Variants in DIAPH2 observed in about 807,000 individuals in gnomAD.
The protein encoded by DIAPH2 is diaphanous related formin 2.
In DIAPH2, 35 loss-of-function variants were observed where a neutral mutation model predicts 92.7. That is an observed-to-expected ratio of 0.38 (90% CI 0.29 to 0.50). The LOEUF (loss-of-function observed/expected upper bound fraction) is 0.50, where lower values mean the gene tolerates loss of function less well. Among genes scored for constraint, DIAPH2 ranks in the 20% least tolerant of loss-of-function variants. The pLI is 0.94. For synonymous variants in DIAPH2, 301 were observed against 280.4 expected, an observed-to-expected ratio of 1.07 and a Z score of -0.73; for missense variants, 701 against 819.5, an observed-to-expected ratio of 0.86 and a Z score of 1.77.
intron 24 of DIAPH2, among the ~76,000 whole-genome samples, chrX:97,360,429 T>C (rs375826153): frequency 2.6e-4 from 26 of 98,363 alleles, no homozygotes; most frequent in African/African-American, 3.7e-4. Flanking sequence ...CTGGCCAACA[T>C]GGTGAAACCC....
intron 22 of DIAPH2, among the ~76,000 whole-genome samples, chrX:97,221,652 G>A (rs1294733067): frequency 9.0e-6 from 1 of 111,591 alleles, no homozygotes; most frequent in African/African-American, 3.3e-5. Context: ...CATTTACTCA[G>A]AAGTAACTCT....
chrX:96,948,191 A>G (rs67762503), intron 14 of DIAPH2, among the ~76,000 whole-genome samples: 36,152 of 111,731 alleles, frequency 0.32, 5,230 homozygotes, highest in South Asian at 0.53. Context: ...TAAAAGTGCA[A>G]TTTCTTTTCA....
chrX:97,259,130 ACCATGAGTAGTC>A (rs1368804192), intron 23 of DIAPH2, among the ~76,000 whole-genome samples: 3 of 109,173 alleles, frequency 2.7e-5, no homozygotes, highest in Non-Finnish European at 3.8e-5. Context: ...GGCACGTGCC[ACCATGAGTAGTC>A]CCATGAGTAG....
At chrX:96,792,709 CTTA>C (rs1180359588) in intron 4 of DIAPH2, among the ~76,000 whole-genome samples, 1 of 111,553 alleles carries the variant, frequency 9.0e-6, no homozygotes, top group South Asian at 3.7e-4. Context: ...ATTGAATATT[CTTA>C]TTAATTTGAA....
At chrX:96,809,120 T>C (rs2064652810) in intron 4 of DIAPH2, among the ~76,000 whole-genome samples, 1 of 111,428 alleles carries the variant, frequency 9.0e-6, no homozygotes, top group Admixed American at 9.6e-5. Context: ...CTCTATTAAG[T>C]ATTTAATATA....
intron 26 of DIAPH2, among the ~76,000 whole-genome samples, chrX:97,517,227 C>G (rs1472203263): frequency 5.4e-5 from 6 of 111,963 alleles, no homozygotes; most frequent in Admixed American, 9.5e-5. Context: ...AGCATTTGAA[C>G]TGGATAATTT....
chrX:97,520,190 A>G (rs1184319071), intron 26 of DIAPH2, among the ~76,000 whole-genome samples: 1 of 112,378 alleles, frequency 8.9e-6, no homozygotes, highest in African/African-American at 3.2e-5. Context: ...ATCTTTTCCA[A>G]TTGAAATAAA....
At chrX:96,757,513 G>A (rs149505349) in intron 3 of DIAPH2, among the ~76,000 whole-genome samples, 3 of 112,248 alleles carry the variant, frequency 2.7e-5, no homozygotes, top group African/African-American at 9.7e-5. Context: ...TAATCAAAGT[G>A]TTATAAGTGT....
At chrX:97,060,221 C>G (rs2066587812) in intron 17 of DIAPH2, among the ~76,000 whole-genome samples, 1 of 112,356 alleles carries the variant, frequency 8.9e-6, no homozygotes, top group South Asian at 3.6e-4. Flanking sequence ...ACTGAAGTGG[C>G]TGGGGTGAAG....
At chrX:97,413,074 A>C (rs2069896629) in intron 25 of DIAPH2, among the ~76,000 whole-genome samples, 1 of 112,003 alleles carries the variant, frequency 8.9e-6, no homozygotes, top group Non-Finnish European at 1.9e-5. Context: ...CATCATCCTG[A>C]TACCAAAGCC....
chrX:97,265,620 G>A (rs1241010120), intron 23 of DIAPH2, among the ~76,000 whole-genome samples: 1 of 111,886 alleles, frequency 8.9e-6, no homozygotes, highest in Admixed American at 9.6e-5. Flanking sequence ...TTTTAGGCAG[G>A]GAGAATAGCT....
chrX:96,757,451 C>T (rs1429534075), intron 3 of DIAPH2, among the ~76,000 whole-genome samples: 2 of 111,832 alleles, frequency 1.8e-5, no homozygotes, highest in Non-Finnish European at 3.8e-5. Context: ...AGGGTGTCTT[C>T]ATATGTCACA....
chrX:97,088,205 A>G (rs958962670), intron 19 of DIAPH2, among the ~76,000 whole-genome samples: 1 of 111,574 alleles, frequency 9.0e-6, no homozygotes, highest in Admixed American at 9.5e-5. Flanking sequence ...CGTTACTTAC[A>G]TTTGCTCTTC....
At chrX:97,028,399 C>A (rs1055499895) in intron 17 of DIAPH2, among the ~76,000 whole-genome samples, 1 of 111,267 alleles carries the variant, frequency 9.0e-6, no homozygotes, top group African/African-American at 3.3e-5. Flanking sequence ...GATACATCTT[C>A]TCTTGGTTTT....
At chrX:96,817,451 A>T (rs945658139) in intron 4 of DIAPH2, among the ~76,000 whole-genome samples, 3 of 111,890 alleles carry the variant, frequency 2.7e-5, no homozygotes, top group Admixed American at 9.5e-5. Flanking sequence ...GAGTTTCCAA[A>T]TCATCAGATA....
chrX:97,070,996 A>G (rs914454852), intron 17 of DIAPH2, among the ~76,000 whole-genome samples: 6 of 111,818 alleles, frequency 5.4e-5, no homozygotes, highest in African/African-American at 1.9e-4. Context: ...ATGGCACAAC[A>G]TGTTTTTCTT....
At chrX:97,316,075 A>G (rs1353749963) in intron 23 of DIAPH2, among the ~76,000 whole-genome samples, 1 of 111,541 alleles carries the variant, frequency 9.0e-6, no homozygotes, top group African/African-American at 3.3e-5. Context: ...GTACTTGATC[A>G]TCGCATCATA....
intron 23 of DIAPH2, among the ~76,000 whole-genome samples, chrX:97,283,070 C>T (rs997589625): frequency 3.6e-5 from 4 of 111,635 alleles, no homozygotes; most frequent in African/African-American, 1.3e-4. Flanking sequence ...TTTAGAGGTA[C>T]TGAGTATTCC....
intron 23 of DIAPH2, among the ~76,000 whole-genome samples, chrX:97,266,400 G>T (rs2068337161): frequency 1.8e-5 from 2 of 111,919 alleles, no homozygotes; most frequent in African/African-American, 6.5e-5. Flanking sequence ...GACTTTGAAA[G>T]TAGGAGTTTC....
Sources: gnomAD v4.1 joint callset for allele counts (sites outside exome capture counted in the v4.1 genomes callset) on GRCh38, gnomAD v4.1.1 for gene constraint, MANE v1.5 for transcripts, NCBI Gene and HGNC (gene_info 2026-07-23, HGNC 2026-07-21) for gene names.